PPARGC1A: variants seen among roughly 807,000 people sequenced by gnomAD.
The protein encoded by PPARGC1A is PPARG coactivator 1 alpha.
Under a neutral mutation model 88.7 loss-of-function variants are expected in PPARGC1A, and 25 were observed. The ratio of observed to expected loss-of-function variants is 0.28; its 90% CI spans 0.21 to 0.39. PPARGC1A has a LOEUF of 0.39. Ranked by LOEUF, PPARGC1A falls within the 10% of genes least tolerant of loss-of-function variation. The pLI is 1.00. For missense variants in PPARGC1A, 880 were observed against 968.7 expected (o/e 0.91, Z 1.22); for synonymous variants, 363 against 355.6 (o/e 1.02, Z -0.24).
chr4:24,313,475 A>T, the PPARGC1A span, among the ~76,000 whole-genome samples: 1 of 152,182 alleles, frequency 6.6e-6, no homozygotes, highest in Non-Finnish European at 1.5e-5. Flanking sequence ...TGCCATGTAA[A>T]AGGCTTCACA....
chr4:24,434,504 T>C, the PPARGC1A span, among the ~76,000 whole-genome samples: 1 of 152,150 alleles, frequency 6.6e-6, no homozygotes, highest in Admixed American at 6.5e-5. Flanking sequence ...TCAGTGAAAG[T>C]TTCCAGGCGA....
the PPARGC1A span, among the ~76,000 whole-genome samples, chr4:24,438,763 C>T: frequency 1.3e-5 from 2 of 151,900 alleles, no homozygotes; most frequent in Middle Eastern, 3.4e-3. Context: ...CTTCTCATTG[C>T]TATCATGGTG....
chr4:24,218,251 C>A, the PPARGC1A span, among the ~76,000 whole-genome samples: 1 of 152,306 alleles, frequency 6.6e-6, no homozygotes, highest in Admixed American at 6.5e-5. Flanking sequence ...AAATGACATA[C>A]ACTATCTGCT....
the PPARGC1A span, among the ~76,000 whole-genome samples, chr4:24,380,201 C>G: frequency 2.0e-5 from 3 of 152,032 alleles, no homozygotes; most frequent in Admixed American, 6.5e-5. Context: ...GCTGAGAGCA[C>G]AGTACATGGG....
At chr4:24,250,082 T>C in the PPARGC1A span, among the ~76,000 whole-genome samples, 3 of 152,032 alleles carry the variant, frequency 2.0e-5, no homozygotes, top group African/African-American at 4.8e-5. Context: ...ACAGTGGAAA[T>C]GGGCAGGACT....
the PPARGC1A span, among the ~76,000 whole-genome samples, chr4:24,375,539 T>A: frequency 6.6e-6 from 1 of 152,280 alleles, no homozygotes; most frequent in South Asian, 2.1e-4. Flanking sequence ...CATTTGTGCA[T>A]CAATTCATTC....
chr4:24,432,272 A>G, the PPARGC1A span, among the ~76,000 whole-genome samples: 2 of 152,218 alleles, frequency 1.3e-5, no homozygotes, highest in African/African-American at 4.8e-5. Context: ...ACAGAAAAGA[A>G]GAGGAGGAGA....
chr4:24,381,919 A>G, the PPARGC1A span, among the ~76,000 whole-genome samples: 2 of 152,224 alleles, frequency 1.3e-5, no homozygotes, highest in Non-Finnish European at 2.9e-5. Context: ...TCATTGGACT[A>G]CCCAACTTAA....
At chr4:24,234,891 T>C in the PPARGC1A span, among the ~76,000 whole-genome samples, 6 of 152,326 alleles carry the variant, frequency 3.9e-5, no homozygotes, top group African/African-American at 1.4e-4. Context: ...GATAGTCCTC[T>C]ATTACAAGTA....
the PPARGC1A span, among the ~76,000 whole-genome samples, chr4:24,318,474 T>C: frequency 3.3e-5 from 5 of 152,244 alleles, no homozygotes; most frequent in African/African-American, 4.8e-5. Context: ...GTAAGTACTT[T>C]CACTCTGCTA....
At chr4:24,293,726 C>G in the PPARGC1A span, among the ~76,000 whole-genome samples, 1 of 150,372 alleles carries the variant, frequency 6.7e-6, no homozygotes, top group Non-Finnish European at 1.5e-5. Flanking sequence ...TTCCTTGGGG[C>G]TTTTTAGAAT....
At chr4:24,313,186 ACAAAGGAGATAGT>A in the PPARGC1A span, among the ~76,000 whole-genome samples, 1 of 152,244 alleles carries the variant, frequency 6.6e-6, no homozygotes, top group Admixed American at 6.5e-5. Context: ...CAAGCAGTGC[ACAAAGGAGATAGT>A]CAAAGGGATA....
the PPARGC1A span, among the ~76,000 whole-genome samples, chr4:23,950,149 C>G: frequency 6.6e-6 from 1 of 152,044 alleles, no homozygotes; most frequent in Admixed American, 6.6e-5. Flanking sequence ...GATTTCAAAT[C>G]CACTCTCTAG....
chr4:23,812,618 A>G, intron 10 of PPARGC1A, 129 bp downstream of exon 10: 5 of 1,437,964 alleles, frequency 3.5e-6, no homozygotes, highest in Non-Finnish European at 3.7e-6. Context: ...TTTTAAAGCC[A>G]AAAGGCTGAA....
chr4:24,180,357 T>C, the PPARGC1A span, among the ~76,000 whole-genome samples: 1 of 152,226 alleles, frequency 6.6e-6, no homozygotes, highest in Non-Finnish European at 1.5e-5. Context: ...TGAGATAATT[T>C]GTTTCATAAA....
the PPARGC1A span, among the ~76,000 whole-genome samples, chr4:24,068,433 T>G: frequency 6.6e-6 from 1 of 152,192 alleles, no homozygotes; most frequent in Non-Finnish European, 1.5e-5. Context: ...CTAGGTGCTA[T>G]GCTAGGTGGT....
At chr4:24,109,865 G>T in the PPARGC1A span, among the ~76,000 whole-genome samples, 3 of 152,152 alleles carry the variant, frequency 2.0e-5, no homozygotes, top group Non-Finnish European at 4.4e-5. Context: ...CTTAGAAGTG[G>T]TGGAGCAGAG....
the PPARGC1A span, among the ~76,000 whole-genome samples, chr4:24,425,283 CATT>C: frequency 6.6e-6 from 1 of 152,188 alleles, no homozygotes; most frequent in African/African-American, 2.4e-5. Flanking sequence ...CAAGGACACA[CATT>C]ATAACATAAT....
In PPARGC1A at chr4:23,825,512, T is replaced by C. The variant is rs571235761; in HGVS notation, c.758-1004A>G. Among the ~76,000 whole-genome samples, 17 of 152,264 alleles carry C rather than the reference T, an allele frequency of 1.1e-4. 1 individual carries two copies. The South Asian group carries it at 3.1e-3, about 28-fold the overall frequency. ...GGTTGAAGAAACTGAGACCCAATGA[T>C]ACTAAGTGATATTTTCAGGGCCATA... On this transcript the variant is annotated intron_variant, in intron 5 of 12. Transcript: ENST00000264867.
Sources: allele counts gnomAD v4.1 joint callset (sites outside exome capture counted in the v4.1 genomes callset), GRCh38; gene constraint gnomAD v4.1.1; transcripts MANE v1.5; gene names NCBI Gene and HGNC (gene_info 2026-07-23, HGNC 2026-07-21).